The following LYAR variants were observed in gnomAD, a reference collection of about 807,000 sequenced individuals.
LYAR encodes cell growth-regulating nucleolar protein.
Under a neutral mutation model 45.2 loss-of-function variants are expected in LYAR, and 37 were observed. That is an observed-to-expected ratio of 0.82 (90% CI 0.63 to 1.08). LYAR has a LOEUF of 1.08. Among genes scored for constraint, LYAR ranks in the 50% least tolerant of loss-of-function variants. The probability of loss-of-function intolerance (pLI) is 0.00; values close to 1 mark genes in which losing one functional copy is unlikely to be tolerated. For synonymous variants in LYAR, 176 were observed against 155.1 expected (o/e 1.14, Z -1.00); for missense variants, 493 against 451.0 (o/e 1.09, Z -0.84).
At chr4:4,285,930 C>T (rs1453327014) in intron 2 of LYAR, among the ~76,000 whole-genome samples, 1 of 152,210 alleles carries the variant, frequency 6.6e-6, no homozygotes, top group Non-Finnish European at 1.5e-5. Flanking sequence ...CTGTGCCAAA[C>T]ATTCTATCTC....
At chr4:4,270,614 A>T (rs1362040719) in intron 8 of LYAR, among the ~76,000 whole-genome samples, 1 of 152,036 alleles carries the variant, frequency 6.6e-6, no homozygotes, top group African/African-American at 2.4e-5. Context: ...AAAAAAATTT[A>T]AAAAAAGAGA....
At position 4,283,708 on chromosome 4, in the gene LYAR, G is replaced by A; in HGVS notation, c.35C>T (p.Ser12Leu). 6.2e-7 allele frequency: 1 copy of A among 1,612,176 alleles called. No homozygotes were observed. Among genetic ancestry groups the A allele is most frequent in the South Asian group, 1.1e-5 (1 of 91,052 alleles). ...VFFTCNACGE[S>L]VKKIQVEKHV... ...CTTTTCCACTTGTATTTTCTTCACT[G>A]ATTCACCACATGCATTGCATGTAAA... is the stretch of plus-strand genomic sequence containing the variant. Residue 12 changes from serine (S) to leucine (L), a missense_variant, in exon 3 of 10, where the codon TCA becomes TTA. By Grantham distance (145) the Ser-to-Leu change is moderately radical (BLOSUM62 -2). Transcript: ENST00000343470.
intron 8 of LYAR, among the ~76,000 whole-genome samples, chr4:4,272,693 T>A (rs555799738): frequency 6.6e-6 from 1 of 152,294 alleles, no homozygotes; most frequent in Admixed American, 6.5e-5. Flanking sequence ...GGAAAACTTA[T>A]CAATTGTTTA....
intron 7 of LYAR, among the ~76,000 whole-genome samples, chr4:4,274,012 G>C (rs999048759): frequency 6.6e-6 from 1 of 152,132 alleles, no homozygotes; most frequent in African/African-American, 2.4e-5. Flanking sequence ...CGAGGGGGGC[G>C]GATCACCAGA....
chr4:4,267,844 G>A lies in LYAR; in HGVS notation c.*45C>T. On this transcript the variant is annotated 3_prime_UTR_variant, in exon 10 of 10. Coordinates refer to ENST00000343470, the MANE Select transcript of LYAR (RefSeq NM_017816.3). ...ACACATTTTATAAACAGCAGTGAAA[G>A]GAAGAAGTCAGCAGAATGGATTCAA... 1 of 1,486,184 alleles carries A rather than the reference G, an allele frequency of 6.7e-7. No individual in the cohort carries two copies. Among genetic ancestry groups the A allele is most frequent in the East Asian group, 2.5e-5 (1 of 40,450 alleles). The allele number at this position is 1,486,184 out of a possible 1,614,324, so 92.1% of individuals were successfully genotyped here. A position where few individuals can be genotyped will look rare whatever the true frequency, so the allele number is the denominator to read the frequency against.
intron 6 of LYAR, among the ~76,000 whole-genome samples, chr4:4,276,729 C>T (rs377551350): frequency 4.8e-4 from 72 of 149,558 alleles, no homozygotes; most frequent in African/African-American, 1.6e-3. Context: ...TGGTGGCAAG[C>T]GCCTGTAATC....
chr4:4,282,044 T>G (rs1719416028), intron 3 of LYAR, 147 bp from the exon 4 acceptor site: 1 of 596,908 alleles, frequency 1.7e-6, no homozygotes, highest in Non-Finnish European at 3.0e-6. Flanking sequence ...TCACTTATTA[T>G]GTTTACAGCC....
chr4:4,274,973 A>C lies in LYAR; in HGVS notation c.430-204T>G, dbSNP rs576882700. 3.3e-5 allele frequency among the ~76,000 whole-genome samples: 5 copies of C among 152,268 alleles called. No individual in the cohort carries two copies. The East Asian group carries it at 7.7e-4, about 23-fold the overall frequency. On this transcript the variant is annotated intron_variant, in intron 6 of 9. Transcript: ENST00000343470. Reference sequence around the variant, plus strand: ...TGGGAAACCACTTCCCCCAGTCCACACCCCTCTGTCTGCACAGAACAGACA... The same window carrying C: ...TGGGAAACCACTTCCCCCAGTCCACCCCCCTCTGTCTGCACAGAACAGACA...
chr4:4,271,162 C>T (rs1718916717), intron 8 of LYAR, among the ~76,000 whole-genome samples: 1 of 152,082 alleles, frequency 6.6e-6, no homozygotes, highest in African/African-American at 2.4e-5. Flanking sequence ...CCACAGCCTC[C>T]CACCACCCTT....
chr4:4,273,797 C>G (rs1560231500), intron 7 of LYAR, 128 bp from the exon 8 acceptor site: 2 of 602,736 alleles, frequency 3.3e-6, no homozygotes, highest in South Asian at 3.9e-5. Flanking sequence ...AGCTGCCCAG[C>G]CCCGGTTTAT....
At chr4:4,278,350 A>T (rs542664832) in intron 6 of LYAR, among the ~76,000 whole-genome samples, 14 of 152,240 alleles carry the variant, frequency 9.2e-5, no homozygotes, top group Non-Finnish European at 1.8e-4. Flanking sequence ...TGAAACTGAT[A>T]TTTACACAAA....
At chr4:4,268,760 T>C (rs1718810805) in intron 8 of LYAR, 145 bp from the exon 9 acceptor site, 1 of 595,812 alleles carries the variant, frequency 1.7e-6, no homozygotes, top group African/African-American at 1.9e-5. Context: ...CAAGCATCTG[T>C]TCAATTCCAA....
chr4:4,284,861 G>A (rs961249438), intron 2 of LYAR, among the ~76,000 whole-genome samples: 2 of 152,286 alleles, frequency 1.3e-5, no homozygotes, highest in Admixed American at 1.3e-4. Context: ...GTAAACCGAT[G>A]CAATTTACTT....
At chr4:4,283,879 A>G (rs1719500824) in intron 2 of LYAR, 84 bp from the exon 3 acceptor site, 8 of 608,306 alleles carry the variant, frequency 1.3e-5, no homozygotes, top group Non-Finnish European at 1.9e-5. Flanking sequence ...TTCAACCATA[A>G]TTTCACATGA....
chr4:4,279,599 A>C (rs775192893), intron 5 of LYAR, 43 bp downstream of exon 5: 20 of 1,566,084 alleles, frequency 1.3e-5, no homozygotes, highest in Non-Finnish European at 1.8e-5. Context: ...TCAGTCACTG[A>C]TGGGCCACAC....
intron 4 of LYAR, among the ~76,000 whole-genome samples, chr4:4,280,084 T>A (rs143630276): frequency 6.6e-6 from 1 of 152,284 alleles, no homozygotes; most frequent in Non-Finnish European, 1.5e-5. Flanking sequence ...TCCAGCAAAG[T>A]TGCAGGATAC....
chr4:4,287,973 T>G (rs570136329), intron 1 of LYAR, among the ~76,000 whole-genome samples: 2 of 152,300 alleles, frequency 1.3e-5, no homozygotes, highest in South Asian at 4.1e-4. Flanking sequence ...GGGAACTTGT[T>G]AGTCTTCTCT....
Position 4,283,628 on chromosome 4 carries a change from CT to C in LYAR, c.114del (p.Asp39IlefsTer11). 1.2e-6 allele frequency: 2 copies of C among 1,611,586 alleles called. No homozygotes were observed. Among genetic ancestry groups the C allele is most frequent in the Non-Finnish European group, 1.7e-6 (2 of 1,179,720 alleles). ...GAATTCTGTGAAGCTTACCAGAAAT[CT>C]TTACCGCAGTCAATGCAAGAAAGGC... ...CECLSCIDCG[K>X]DFWGDDYKNH... On this transcript the variant is annotated frameshift_variant, in exon 3 of 10. Coordinates refer to ENST00000343470, the MANE Select transcript of LYAR (RefSeq NM_017816.3). LOFTEE classifies it high-confidence loss of function.
At chr4:4,284,567 C>T (rs1333786160) in intron 2 of LYAR, among the ~76,000 whole-genome samples, 1 of 152,174 alleles carries the variant, frequency 6.6e-6, no homozygotes, top group Admixed American at 6.5e-5. Flanking sequence ...TACTGGAGTT[C>T]ACAAACCCAG....
Sources: gnomAD v4.1 joint callset for allele counts (sites outside exome capture counted in the v4.1 genomes callset) on GRCh38, gnomAD v4.1.1 for gene constraint, MANE v1.5 for transcripts, NCBI Gene and HGNC (gene_info 2026-07-23, HGNC 2026-07-21) for gene names.